The following BCAS3 variants were observed in gnomAD, a reference collection of about 807,000 sequenced individuals.
BCAS3 encodes the protein BCAS4/BCAS3 fusion.
BCAS3 carries 53 observed loss-of-function variants against 116.1 expected under a neutral mutation model. That is an observed-to-expected ratio of 0.46 (90% CI 0.37 to 0.57). BCAS3 has a LOEUF of 0.57. Among genes scored for constraint, BCAS3 ranks in the 20% least tolerant of loss-of-function variants. The probability of loss-of-function intolerance (pLI) is 0.00; values close to 1 mark genes in which losing one functional copy is unlikely to be tolerated. For synonymous variants in BCAS3, 391 were observed against 408.2 expected (o/e 0.96, Z 0.51); for missense variants, 917 against 1,165.4 (o/e 0.79, Z 3.10).
intron 6 of BCAS3, among the ~76,000 whole-genome samples, chr17:60,793,096 TTTAA>T (rs1296678594): frequency 6.6e-6 from 1 of 152,084 alleles, no homozygotes; most frequent in Admixed American, 6.5e-5. Flanking sequence ...TTTTTAAATT[TTTAA>T]TTAATTAATT....
chr17:61,001,225 GGACTTGGA>G (rs1325432057), intron 15 of BCAS3, among the ~76,000 whole-genome samples: 1 of 152,014 alleles, frequency 6.6e-6, no homozygotes, highest in South Asian at 2.1e-4. Flanking sequence ...CTCATTTCTT[GGACTTGGA>G]GCCTCCATAT....
intron 7 of BCAS3, among the ~76,000 whole-genome samples, chr17:60,816,934 C>G (rs1314741003): frequency 6.6e-6 from 1 of 152,174 alleles, no homozygotes; most frequent in Non-Finnish European, 1.5e-5. Flanking sequence ...GGCTTTACGG[C>G]TAATTTTTGG....
chr17:60,943,176 A>G (rs1405629686), intron 13 of BCAS3, among the ~76,000 whole-genome samples: 2 of 152,180 alleles, frequency 1.3e-5, no homozygotes, highest in Non-Finnish European at 2.9e-5. Context: ...GCAAGAAAAC[A>G]TGAAAAGAGA....
intron 4 of BCAS3, among the ~76,000 whole-genome samples, chr17:60,693,740 A>G (rs2035190006): frequency 2.0e-5 from 3 of 151,406 alleles, no homozygotes; most frequent in Admixed American, 2.0e-4. Flanking sequence ...AAGGTCTAGT[A>G]CTATATTTGA....
At chr17:60,867,676 T>G (rs2054735292) in intron 7 of BCAS3, among the ~76,000 whole-genome samples, 1 of 152,204 alleles carries the variant, frequency 6.6e-6, no homozygotes, top group Non-Finnish European at 1.5e-5. Flanking sequence ...ACAGATGATC[T>G]ATATTTCTAT....
At chr17:61,209,382 A>G (rs555334181) in intron 22 of BCAS3, among the ~76,000 whole-genome samples, 3 of 152,322 alleles carry the variant, frequency 2.0e-5, no homozygotes, top group Admixed American at 1.3e-4. Flanking sequence ...TGAATAATTA[A>G]TGTATTTGAC....
intron 5 of BCAS3, among the ~76,000 whole-genome samples, chr17:60,730,144 A>G (rs2144153778): frequency 6.6e-6 from 1 of 152,360 alleles, no homozygotes; most frequent in South Asian, 2.1e-4. Flanking sequence ...AACTGAAGGA[A>G]CATGTGAGTT....
intron 18 of BCAS3, among the ~76,000 whole-genome samples, chr17:61,038,453 C>T (rs2067220896): frequency 6.6e-6 from 1 of 151,668 alleles, no homozygotes; most frequent in East Asian, 1.9e-4. Context: ...CGGAGTTTCA[C>T]CATGTTGGCC....
chr17:61,323,987 A>C lies in BCAS3; in HGVS notation c.2426-44340A>C, dbSNP rs762598287. 6.6e-6 allele frequency among the ~76,000 whole-genome samples: 1 copy of C among 152,212 alleles called. No homozygotes were observed. Among genetic ancestry groups the C allele is most frequent in the African/African-American group, 2.4e-5 (1 of 41,458 alleles). Reference sequence around the variant, plus strand: ...GGCGGGAGACGAGGTAAGAACTGTTAGTGTCTGTGAGATGTTTGGGGATTT... The same window carrying C: ...GGCGGGAGACGAGGTAAGAACTGTTCGTGTCTGTGAGATGTTTGGGGATTT... On this transcript the variant is annotated intron_variant, in intron 22 of 23. Transcript: ENST00000407086. The surrounding 1 kb of genome is among the most constrained non-coding windows in gnomAD (Gnocchi z 4.6).
At chr17:60,779,186 C>T (rs1291978311) in intron 6 of BCAS3, among the ~76,000 whole-genome samples, 3 of 151,814 alleles carry the variant, frequency 2.0e-5, no homozygotes, top group African/African-American at 2.4e-5. Flanking sequence ...GCTCTCCCCA[C>T]CCCCAAATAA....
Position 60,970,906 on chromosome 17 carries a change from A to G in BCAS3, c.1222-19065A>G, listed in dbSNP as rs1178683908. Among the ~76,000 whole-genome samples, 5 of 152,214 alleles carry G rather than the reference A, an allele frequency of 3.3e-5. No homozygotes were observed. The East Asian group carries it at 7.7e-4, about 23-fold the overall frequency. ...TTGGCCTATTAGATAACCAAACCCA[A>G]CAACTGCAGAATACATATTATTTTC... On this transcript the variant is annotated intron_variant, in intron 14 of 23. Coordinates refer to ENST00000407086, the MANE Select transcript of BCAS3 (RefSeq NM_017679.5).
At chr17:60,985,568 A>G (rs1018887252) in intron 14 of BCAS3, among the ~76,000 whole-genome samples, 1 of 152,170 alleles carries the variant, frequency 6.6e-6, no homozygotes, top group African/African-American at 2.4e-5. Context: ...GAATTAAATT[A>G]TTATTGACTA....
intron 22 of BCAS3, among the ~76,000 whole-genome samples, chr17:61,264,810 A>T (rs2049533470): frequency 6.6e-6 from 1 of 152,208 alleles, no homozygotes; most frequent in South Asian, 2.1e-4. Flanking sequence ...GAGAATGGGA[A>T]ATGGCACAGA....
intron 6 of BCAS3, among the ~76,000 whole-genome samples, chr17:60,784,958 G>A (rs1013317232): frequency 2.6e-5 from 4 of 151,886 alleles, no homozygotes; most frequent in East Asian, 2.0e-4. Flanking sequence ...TTAGCTGGGC[G>A]TGGTGGCAGG....
intron 5 of BCAS3, among the ~76,000 whole-genome samples, chr17:60,739,789 C>T (rs115024936): frequency 0.032 from 4,811 of 152,092 alleles, 240 homozygotes; most frequent in African/African-American, 0.1. Flanking sequence ...CAAATTCCCT[C>T]GGTTCCTGTT....
At chr17:61,296,334 C>T (rs754935369) in intron 22 of BCAS3, among the ~76,000 whole-genome samples, 2 of 152,172 alleles carry the variant, frequency 1.3e-5, no homozygotes, top group Non-Finnish European at 2.9e-5. Context: ...CTAGCACGAT[C>T]ACTATGAGTT....
intron 2 of BCAS3, 77 bp from the exon 3 acceptor site, chr17:60,683,905 A>G: frequency 8.3e-7 from 1 of 1,206,676 alleles, no homozygotes; most frequent in Non-Finnish European, 1.2e-6. Context: ...GACTTTATTA[A>G]GGCTTGTAAA....
chr17:61,189,055 A>G lies in BCAS3; in HGVS notation c.2425+104491A>G, dbSNP rs1453082288. ...GAGATTGAGGCTGCAGTGAGCTGCT[A>G]TTATGCCCCTACACTCCAGCCTGGG... is the stretch of plus-strand genomic sequence containing the variant. On this transcript the variant is annotated intron_variant, in intron 22 of 23. Transcript: ENST00000407086. The surrounding 1 kb of genome is among the most constrained non-coding windows in gnomAD (Gnocchi z 4.5). Among the ~76,000 whole-genome samples, 1 of 152,148 alleles carries G rather than the reference A, an allele frequency of 6.6e-6. No individual in the cohort carries two copies. Among genetic ancestry groups the G allele is most frequent in the Non-Finnish European group, 1.5e-5 (1 of 68,014 alleles).
chr17:61,234,348 G>C (rs1239394251), intron 22 of BCAS3, among the ~76,000 whole-genome samples: 1 of 152,050 alleles, frequency 6.6e-6, no homozygotes, highest in East Asian at 1.9e-4. Flanking sequence ...GATTACTCCT[G>C]ATTACTCCTG....
Sources: allele counts gnomAD v4.1 joint callset (sites outside exome capture counted in the v4.1 genomes callset), GRCh38; gene constraint gnomAD v4.1.1; non-coding constraint Gnocchi (gnomAD v3.1); transcripts MANE v1.5; gene names NCBI Gene and HGNC (gene_info 2026-07-23, HGNC 2026-07-21).